FSTL4: variants seen among roughly 807,000 people sequenced by gnomAD.
FSTL4 encodes follistatin-related protein 4.
Under a neutral mutation model 78.2 loss-of-function variants are expected in FSTL4, and 28 were observed. The observed-to-expected ratio is 0.36, with a 90% CI of 0.27 to 0.49. FSTL4 has a LOEUF of 0.49. FSTL4 is among the 20% of genes least tolerant of loss of function. The probability of loss-of-function intolerance (pLI) is 0.98; values close to 1 mark genes in which losing one functional copy is unlikely to be tolerated. For missense variants in FSTL4, 922 were observed against 1,084.9 expected (o/e 0.85, Z 2.11); for synonymous variants, 422 against 440.5 (o/e 0.96, Z 0.53).
chr5:133,245,482 T>A (rs1246727297), intron 7 of FSTL4, among the ~76,000 whole-genome samples: 1 of 152,256 alleles, frequency 6.6e-6, no homozygotes, highest in African/African-American at 2.4e-5. Context: ...AGGACCTTTA[T>A]GTTCTAGCCC....
At chr5:133,283,508 T>C (rs1231770633) in intron 6 of FSTL4, among the ~76,000 whole-genome samples, 1 of 152,204 alleles carries the variant, frequency 6.6e-6, no homozygotes, top group East Asian at 1.9e-4. Flanking sequence ...TCTCACCTTC[T>C]TGTTCATCCC....
intron 7 of FSTL4, among the ~76,000 whole-genome samples, chr5:133,242,097 C>G (rs1220670418): frequency 6.6e-6 from 1 of 152,206 alleles, no homozygotes. Flanking sequence ...GAGAACTTAT[C>G]TTACACGTCA....
chr5:133,198,887 G>A lies in FSTL4; in HGVS notation c.*208C>T, dbSNP rs1750223140. On this transcript the variant is annotated 3_prime_UTR_variant, in exon 16 of 16. Transcript: ENST00000265342. ...AGCATATGTTCTCATCGTAGCTCAA[G>A]GCATAAATCATACTTCCTAACGAAA... The A allele has an allele frequency of 2.1e-6, 1 of 468,958 alleles. No individual in the cohort carries two copies. Among genetic ancestry groups the A allele is most frequent in the Non-Finnish European group, 3.8e-6 (1 of 266,390 alleles). The allele number at this position is 468,958 out of a possible 1,614,324, so 29.0% of individuals were successfully genotyped here.
the FSTL4 span, among the ~76,000 whole-genome samples, chr5:133,798,662 A>G: frequency 1.4e-3 from 211 of 152,182 alleles, no homozygotes; most frequent in African/African-American, 4.8e-3. Flanking sequence ...ACCTCACGAC[A>G]TCCTGCGGTG....
At chr5:133,233,774 C>T (rs1190713260) in intron 7 of FSTL4, among the ~76,000 whole-genome samples, 2 of 152,178 alleles carry the variant, frequency 1.3e-5, no homozygotes, top group Non-Finnish European at 2.9e-5. Flanking sequence ...GTACCTGGCC[C>T]CTCCTCCACG....
chr5:133,636,802 T>C, the FSTL4 span, among the ~76,000 whole-genome samples: 1 of 152,136 alleles, frequency 6.6e-6, no homozygotes, highest in African/African-American at 2.4e-5. Flanking sequence ...GTAGAACTAG[T>C]AAAATCAAAC....
chr5:133,293,448 G>T (rs1381474922), intron 6 of FSTL4, among the ~76,000 whole-genome samples: 1 of 152,188 alleles, frequency 6.6e-6, no homozygotes, highest in African/African-American at 2.4e-5. Flanking sequence ...TCTGTGGCCT[G>T]CATGTCTTTG....
At chr5:133,235,152 A>G (rs1003720085) in intron 7 of FSTL4, among the ~76,000 whole-genome samples, 6 of 152,070 alleles carry the variant, frequency 3.9e-5, no homozygotes, top group Non-Finnish European at 5.9e-5. Flanking sequence ...AACACTCCAG[A>G]GGGCCCGGCC....
chr5:133,673,967 AT>A, the FSTL4 span, among the ~76,000 whole-genome samples: 3 of 152,236 alleles, frequency 2.0e-5, no homozygotes, highest in African/African-American at 7.2e-5. Context: ...TTTTGCCTTA[AT>A]AATGAGTAGT....
At chr5:133,437,317 G>T (rs1030524634) in intron 3 of FSTL4, among the ~76,000 whole-genome samples, 8 of 152,104 alleles carry the variant, frequency 5.3e-5, no homozygotes, top group African/African-American at 1.9e-4. Flanking sequence ...GACAGTCACC[G>T]CACTTGGGCA....
At chr5:133,616,678 C>T (rs905273325), upstream of FSTL4, among the ~76,000 whole-genome samples, 1 of 151,960 alleles carries the variant, frequency 6.6e-6, no homozygotes, top group Admixed American at 6.6e-5. Context: ...GCTGGGATTA[C>T]AGGCATGAGC....
intron 6 of FSTL4, among the ~76,000 whole-genome samples, chr5:133,263,535 A>T (rs1752578705): frequency 6.6e-6 from 1 of 152,076 alleles, no homozygotes; most frequent in Non-Finnish European, 1.5e-5. Context: ...GTGAGATTTG[A>T]CTGTGGGCTT....
chr5:133,372,866 C>T (rs936295708), intron 4 of FSTL4, among the ~76,000 whole-genome samples: 5 of 152,176 alleles, frequency 3.3e-5, no homozygotes, highest in African/African-American at 1.2e-4. Context: ...GGGAGGGTGA[C>T]TCCTTGTAAC....
At chr5:133,665,491 C>G in the FSTL4 span, among the ~76,000 whole-genome samples, 46 of 152,316 alleles carry the variant, frequency 3.0e-4, no homozygotes, top group South Asian at 3.9e-3. Context: ...AGGGAGCACC[C>G]AGATATTCTA....
At chr5:133,646,185 G>A in the FSTL4 span, among the ~76,000 whole-genome samples, 2 of 152,262 alleles carry the variant, frequency 1.3e-5, no homozygotes, top group Admixed American at 6.5e-5. Context: ...ATTTAAACTG[G>A]GGGTCAGGGA....
intron 3 of FSTL4, among the ~76,000 whole-genome samples, chr5:133,461,871 A>C (rs2112838975): frequency 6.6e-6 from 1 of 152,334 alleles, no homozygotes; most frequent in East Asian, 1.9e-4. Context: ...TGTTTAAATA[A>C]GAAAATAACT....
At chr5:133,325,852 C>A (rs1172728054) in intron 4 of FSTL4, among the ~76,000 whole-genome samples, 7 of 152,192 alleles carry the variant, frequency 4.6e-5, no homozygotes, top group Admixed American at 1.3e-4. Flanking sequence ...GGCTGCCTGT[C>A]CCCCAGACAT....
At chr5:133,579,714 G>A (rs1042403627) in intron 2 of FSTL4, among the ~76,000 whole-genome samples, 8 of 152,170 alleles carry the variant, frequency 5.3e-5, no homozygotes, top group African/African-American at 1.9e-4. Flanking sequence ...CCAACTGCAA[G>A]CCCAAGATGA....
intron 3 of FSTL4, among the ~76,000 whole-genome samples, chr5:133,561,066 G>C (rs923116736): frequency 6.7e-6 from 1 of 149,798 alleles, no homozygotes; most frequent in Admixed American, 6.7e-5. Flanking sequence ...TCCAGCCTGG[G>C]TGACTGAGTG....
Sources: allele counts gnomAD v4.1 joint callset (sites outside exome capture counted in the v4.1 genomes callset), GRCh38; gene constraint gnomAD v4.1.1; transcripts MANE v1.5; gene names NCBI Gene and HGNC (gene_info 2026-07-23, HGNC 2026-07-21).